Variants in CERS6 observed in about 807,000 individuals in gnomAD.
CERS6 encodes ceramide synthase 6.
In CERS6, 26 loss-of-function variants were observed where a neutral mutation model predicts 56.8. The ratio of observed to expected loss-of-function variants is 0.46; its 90% CI spans 0.34 to 0.63. CERS6 has a LOEUF of 0.63. CERS6 is among the 30% of genes least tolerant of loss of function. The pLI, the probability that CERS6 is intolerant of heterozygous loss-of-function variation, is 0.01. For synonymous variants in CERS6, 164 were observed against 173.3 expected (o/e 0.95, Z 0.42); for missense variants, 415 against 467.5 (o/e 0.89, Z 1.04).
intron 4 of CERS6, among the ~76,000 whole-genome samples, chr2:168,660,006 G>A (rs765788711): frequency 3.3e-5 from 5 of 152,208 alleles, no homozygotes; most frequent in Admixed American, 6.5e-5. Flanking sequence ...ACGTGGAAAT[G>A]TGCCTGGAGT....
At chr2:168,707,998 C>A (rs1687000627) in intron 6 of CERS6, among the ~76,000 whole-genome samples, 1 of 152,078 alleles carries the variant, frequency 6.6e-6, no homozygotes. Flanking sequence ...GATTTATTTG[C>A]ACACATTAGT....
chr2:168,579,551 C>T (rs1387225870), intron 3 of CERS6, among the ~76,000 whole-genome samples: 1 of 152,124 alleles, frequency 6.6e-6, no homozygotes, highest in Non-Finnish European at 1.5e-5. Context: ...GACCTCCACA[C>T]CCCCTTTTCT....
intron 4 of CERS6, among the ~76,000 whole-genome samples, chr2:168,666,651 C>G (rs1187553992): frequency 6.6e-6 from 1 of 152,092 alleles, no homozygotes; most frequent in Non-Finnish European, 1.5e-5. Context: ...TGGATAAATA[C>G]CAAGGAGTGT....
At chr2:168,710,929 T>C (rs1473773843) in intron 6 of CERS6, among the ~76,000 whole-genome samples, 1 of 152,212 alleles carries the variant, frequency 6.6e-6, no homozygotes, top group Admixed American at 6.5e-5. Flanking sequence ...AATGCTCAGT[T>C]CTGCCATGGG....
chr2:168,584,008 T>C (rs1199653946), intron 3 of CERS6, among the ~76,000 whole-genome samples: 1 of 152,216 alleles, frequency 6.6e-6, no homozygotes, highest in Non-Finnish European at 1.5e-5. Flanking sequence ...ATTTAATCCT[T>C]CCAACACTCT....
intron 8 of CERS6, among the ~76,000 whole-genome samples, chr2:168,762,350 A>G (rs1294330322): frequency 2.0e-5 from 3 of 152,314 alleles, no homozygotes; most frequent in Non-Finnish European, 2.9e-5. Context: ...GCCATGCTCA[A>G]TGGCTGGAGC....
chr2:168,762,236 A>G (rs1300322322), intron 8 of CERS6, among the ~76,000 whole-genome samples: 2 of 152,220 alleles, frequency 1.3e-5, no homozygotes, highest in Non-Finnish European at 2.9e-5. Flanking sequence ...TAATTTTTTA[A>G]TTTTTAATGT....
chr2:168,503,977 A>G (rs1175448343), intron 1 of CERS6, among the ~76,000 whole-genome samples: 1 of 152,192 alleles, frequency 6.6e-6, no homozygotes, highest in Non-Finnish European at 1.5e-5. Flanking sequence ...TTAAGCCTAA[A>G]GGGGTTAATG....
chr2:168,572,813 C>T (rs1696015315), intron 3 of CERS6, among the ~76,000 whole-genome samples: 1 of 152,098 alleles, frequency 6.6e-6, no homozygotes, highest in African/African-American at 2.4e-5. Context: ...ACCTTGAGTT[C>T]TGGGACTGTG....
At chr2:168,486,139 A>T (rs1285626198) in intron 1 of CERS6, among the ~76,000 whole-genome samples, 1 of 152,086 alleles carries the variant, frequency 6.6e-6, no homozygotes, top group South Asian at 2.1e-4. Flanking sequence ...TACCATTTGT[A>T]TGTCCTTTTT....
intron 1 of CERS6, among the ~76,000 whole-genome samples, chr2:168,520,280 T>C (rs1401682942): frequency 6.6e-6 from 1 of 152,164 alleles, no homozygotes; most frequent in East Asian, 1.9e-4. Flanking sequence ...ATAGGGTTGT[T>C]TTATTTTCTC....
chr2:168,456,762 A>G lies in CERS6; in HGVS notation c.170+144A>G. On this transcript the variant is annotated intron_variant, in intron 1 of 9. Coordinates refer to ENST00000305747, the MANE Select transcript of CERS6 (RefSeq NM_203463.3). This position sits in a 1 kb window ranked among gnomAD's most constrained non-coding sequence, Gnocchi z 4.1. ...CTTTGTGTTCGGGGAGGGGTTGCTGACCCCCCTGCCCCGCTGGCTTTCTGG... is the reference window on the plus strand; with the variant it reads ...CTTTGTGTTCGGGGAGGGGTTGCTGGCCCCCCTGCCCCGCTGGCTTTCTGG... 1.4e-6 allele frequency: 1 copy of G among 730,988 alleles called. No homozygotes were observed. The highest frequency in any genetic ancestry group is 2.2e-6 in the Non-Finnish European group (1 of 453,098). 45.3% of individuals were successfully genotyped at this position (730,988 alleles called of 1,614,324 possible).
intron 8 of CERS6, among the ~76,000 whole-genome samples, chr2:168,722,252 C>T (rs1443781296): frequency 6.6e-6 from 1 of 152,144 alleles, no homozygotes; most frequent in Non-Finnish European, 1.5e-5. Context: ...TCTTTCACTT[C>T]CTTGATGATG....
In CERS6 at chr2:168,598,023, G is replaced by T. The variant is rs550989633; in HGVS notation, c.408-32962G>T. 2.6e-5 allele frequency among the ~76,000 whole-genome samples: 4 copies of T among 152,228 alleles called. No individual in the cohort carries two copies. In the South Asian group the frequency reaches 8.3e-4, roughly 32 times the overall value. On this transcript the variant is annotated intron_variant, in intron 3 of 9. Coordinates refer to ENST00000305747, the MANE Select transcript of CERS6 (RefSeq NM_203463.3). ...TAGGTGTATGTTGAGGATCTTCCAC[G>T]TGTAACTCTTTTCTGTCCTCCCCTT...
At chr2:168,652,964 A>G (rs1057423977) in intron 4 of CERS6, among the ~76,000 whole-genome samples, 2 of 152,222 alleles carry the variant, frequency 1.3e-5, no homozygotes, top group Non-Finnish European at 2.9e-5. Flanking sequence ...TTCTTTTTCC[A>G]TAGACATATT....
intron 9 of CERS6, among the ~76,000 whole-genome samples, chr2:168,766,799 C>T (rs62175684): frequency 0.032 from 4,923 of 152,310 alleles, 111 homozygotes; most frequent in Non-Finnish European, 0.05. Context: ...CACCTGACCA[C>T]TCTGACTCAT....
Position 168,752,524 on chromosome 2 carries a change from G to C in CERS6, c.846-13068G>C, listed in dbSNP as rs115847398. Among the ~76,000 whole-genome samples the C allele has an allele frequency of 7.4e-3, 1,131 of 152,286 alleles. 11 individuals carry two copies. Among genetic ancestry groups the C allele is most frequent in the Middle Eastern group, 0.048 (14 of 294 alleles). On this transcript the variant is annotated intron_variant, in intron 8 of 9. Transcript: ENST00000305747. ...CTGCAGACTCTCCTGTCTACTGCCA[G>C]GTCACACCCAGCCAGTCCTTGTGTA...
chr2:168,627,173 A>G (rs1684609401), intron 3 of CERS6, among the ~76,000 whole-genome samples: 1 of 152,140 alleles, frequency 6.6e-6, no homozygotes, highest in Non-Finnish European at 1.5e-5. Flanking sequence ...CCTCGTTTTC[A>G]TTAATCTAAG....
At chr2:168,461,727 G>A (rs1215287049) in intron 1 of CERS6, among the ~76,000 whole-genome samples, 1 of 152,168 alleles carries the variant, frequency 6.6e-6, no homozygotes, top group Non-Finnish European at 1.5e-5. Flanking sequence ...GGAGGAGGTA[G>A]GTGAGATAAC....
Sources: allele counts gnomAD v4.1 joint callset (sites outside exome capture counted in the v4.1 genomes callset), GRCh38; gene constraint gnomAD v4.1.1; non-coding constraint Gnocchi (gnomAD v3.1); transcripts MANE v1.5; gene names NCBI Gene and HGNC (gene_info 2026-07-23, HGNC 2026-07-21).